The following NLRP14 variants were observed in gnomAD, a reference collection of about 807,000 sequenced individuals.
NLRP14 encodes NLR family pyrin domain containing 14, also known as NACHT, LRR and PYD domains-containing protein 14.
In NLRP14, 105 loss-of-function variants were observed where a neutral mutation model predicts 94.7. The ratio of observed to expected loss-of-function variants is 1.11; its 90% CI spans 0.95 to 1.30. The LOEUF is 1.30. Ranked by LOEUF, NLRP14 falls within the 50% of genes most tolerant of loss-of-function variation. NLRP14 has a pLI of 0.00. For synonymous variants in NLRP14, 508 were observed against 459.9 expected (o/e 1.10, Z -1.34); for missense variants, 1,362 against 1,254.1 (o/e 1.09, Z -1.30).
At chr11:7,089,102 G>T in the NLRP14 span, 19 of 1,609,786 alleles carry the variant, frequency 1.2e-5, no homozygotes, top group Non-Finnish European at 1.5e-5. Context: ...GCCACTGACC[G>T]ACCGTTCGAC....
At position 7,020,503 on chromosome 11, in the gene NLRP14, G is replaced by C. The variant is rs1385801331; in HGVS notation, c.-289G>C. Reference sequence around the variant, plus strand: ...CATTCCTGCGCGGGCGGGAGCTGCGGGCGCTCGGGGGATAAGGCGAGGACG... The same window carrying C: ...CATTCCTGCGCGGGCGGGAGCTGCGCGCGCTCGGGGGATAAGGCGAGGACG... On this transcript the variant is annotated 5_prime_UTR_variant, in exon 1 of 12. Coordinates refer to ENST00000299481, the MANE Select transcript of NLRP14 (RefSeq NM_176822.4). The C allele has an allele frequency of 6.6e-6, 1 of 152,340 alleles. No homozygotes were observed. Among genetic ancestry groups the C allele is most frequent in the Non-Finnish European group, 1.5e-5 (1 of 68,140 alleles). 9.4% of individuals were successfully genotyped at this position (152,340 alleles called of 1,614,324 possible).
chr11:7,066,962 C>T (rs1852714667), intron 10 of NLRP14, among the ~76,000 whole-genome samples: 1 of 152,034 alleles, frequency 6.6e-6, no homozygotes, highest in Non-Finnish European at 1.5e-5. Context: ...ATAGGGAATC[C>T]TTTCCCTATT....
intron 6 of NLRP14, among the ~76,000 whole-genome samples, chr11:7,052,612 C>A (rs1394733395): frequency 1.3e-5 from 2 of 151,964 alleles, no homozygotes; most frequent in East Asian, 3.9e-4. Context: ...CCAGTCTGGG[C>A]AACAGAGCAA....
chr11:7,090,337 G>A, the NLRP14 span: 192 of 1,548,124 alleles, frequency 1.2e-4, no homozygotes, highest in Non-Finnish European at 1.6e-4. Flanking sequence ...CCTTTTCAAC[G>A]AAACTAACAA....
chr11:7,070,854 T>C (rs538663939), intron 11 of NLRP14, among the ~76,000 whole-genome samples: 1 of 152,328 alleles, frequency 6.6e-6, no homozygotes, highest in African/African-American at 2.4e-5. Flanking sequence ...TAATAAACAA[T>C]AAATATGTTC....
At chr11:7,069,563 T>C (rs1435520878) in intron 10 of NLRP14, among the ~76,000 whole-genome samples, 1 of 152,220 alleles carries the variant, frequency 6.6e-6, no homozygotes, top group Admixed American at 6.5e-5. Flanking sequence ...AAATAGGCCA[T>C]GTAATTGCAT....
downstream of NLRP14, among the ~76,000 whole-genome samples, chr11:7,076,149 C>T (rs1200372830): frequency 1.3e-5 from 2 of 152,120 alleles, no homozygotes; most frequent in Admixed American, 6.5e-5. Flanking sequence ...TATTTTTGCA[C>T]TAACTTTTGT....
chr11:7,088,689 G>GAAA, the NLRP14 span, among the ~76,000 whole-genome samples: 1 of 151,792 alleles, frequency 6.6e-6, no homozygotes, highest in African/African-American at 2.4e-5. Flanking sequence ...AATAATTTTA[G>GAAA]TAATTTAAAA....
intron 10 of NLRP14, among the ~76,000 whole-genome samples, chr11:7,068,901 C>T (rs1852748481): frequency 6.6e-6 from 1 of 152,136 alleles, no homozygotes; most frequent in African/African-American, 2.4e-5. Context: ...CTACTCTGTT[C>T]TCTTAGCCTC....
chr11:7,072,624 G>T (rs144189298), downstream of NLRP14, among the ~76,000 whole-genome samples: 198 of 152,232 alleles, frequency 1.3e-3, no homozygotes, highest in Middle Eastern at 3.4e-3. Flanking sequence ...CACCACTTGT[G>T]AGAGGCCCCG....
intron 1 of NLRP14, among the ~76,000 whole-genome samples, chr11:7,024,577 T>TG (rs770005862): frequency 1.1e-3 from 161 of 152,314 alleles, no homozygotes; most frequent in Non-Finnish European, 4.0e-4. Context: ...GAGAGGTCTC[T>TG]GGAATCTGTG....
chr11:7,055,656 A>G (rs115446590), intron 6 of NLRP14, among the ~76,000 whole-genome samples: 1,896 of 152,164 alleles, frequency 0.012, 38 homozygotes, highest in African/African-American at 0.043. Context: ...AGAAAGCTCC[A>G]GCGTCTTGCA....
rs189202448 is a variant in NLRP14 at position 7,043,911 on chromosome 11, C to A, written c.1885C>A (p.Arg629=). 3.1e-6 allele frequency: 5 copies of A among 1,613,992 alleles called. No homozygotes were observed. The highest frequency in any genetic ancestry group is 4.2e-6 in the Non-Finnish European group (5 of 1,179,890). The part of the protein sequence containing the change: ...SFCLKHCRCL[R]TIRLSVTVVF... ...CTGCCTTAAGCACTGCCGGTGTTTG[C>A]GGACCATCAGGCTGTCTGTAACTGT... The change falls in exon 4 of 12, where the codon CGG becomes AGG. Residue 629 remains arginine, a synonymous_variant. Transcript: ENST00000299481.
chr11:7,078,546 T>C, the NLRP14 span, among the ~76,000 whole-genome samples: 26 of 151,058 alleles, frequency 1.7e-4, no homozygotes, highest in African/African-American at 6.3e-4. Context: ...TCCCAGCACT[T>C]TGGGAGGCCG....
chr11:7,066,149 A>G (rs536763807), intron 10 of NLRP14, among the ~76,000 whole-genome samples: 2 of 152,260 alleles, frequency 1.3e-5, no homozygotes, highest in Admixed American at 6.5e-5. Context: ...TGATATTGCA[A>G]ATGGTGCTGC....
At chr11:7,058,995 C>G (rs961876607) in intron 8 of NLRP14, among the ~76,000 whole-genome samples, 1 of 151,858 alleles carries the variant, frequency 6.6e-6, no homozygotes, top group Non-Finnish European at 1.5e-5. Context: ...GTCTAGGGAC[C>G]TGCACTTTAA....
At chr11:7,052,216 A>T (rs1852450608) in intron 6 of NLRP14, among the ~76,000 whole-genome samples, 1 of 152,212 alleles carries the variant, frequency 6.6e-6, no homozygotes, top group Non-Finnish European at 1.5e-5. Flanking sequence ...TAAGGGAATG[A>T]TTGTTGCTTC....
At chr11:7,078,262 C>T in the NLRP14 span, among the ~76,000 whole-genome samples, 2 of 150,504 alleles carry the variant, frequency 1.3e-5, no homozygotes, top group African/African-American at 4.9e-5. Context: ...CATGGCAAAA[C>T]CCCGTCTGTA....
chr11:7,084,791 T>C, the NLRP14 span, among the ~76,000 whole-genome samples: 1 of 152,118 alleles, frequency 6.6e-6, no homozygotes. Flanking sequence ...AAGGAGAGGG[T>C]TGTGGGAATC....
Sources: gnomAD v4.1 joint callset for allele counts (sites outside exome capture counted in the v4.1 genomes callset) on GRCh38, gnomAD v4.1.1 for gene constraint, MANE v1.5 for transcripts, NCBI Gene and HGNC (gene_info 2026-07-23, HGNC 2026-07-21) for gene names.